Variants in MGMT observed in about 807,000 individuals in gnomAD.
MGMT encodes methylated-DNA--protein-cysteine methyltransferase.
In MGMT, 14 loss-of-function variants were observed where a neutral mutation model predicts 15.9. That is an observed-to-expected ratio of 0.88 (90% CI 0.58 to 1.37). The LOEUF (loss-of-function observed/expected upper bound fraction) is 1.37. MGMT is among the 40% of genes most tolerant of loss of function. The pLI, the probability that MGMT is intolerant of heterozygous loss-of-function variation, is 0.00. For synonymous variants in MGMT, 130 were observed against 118.2 expected (o/e 1.10, Z -0.65); for missense variants, 282 against 268.1 (o/e 1.05, Z -0.36).
At chr10:129,471,391 T>C (rs1251610116) in intron 1 of MGMT, among the ~76,000 whole-genome samples, 1 of 152,144 alleles carries the variant, frequency 6.6e-6, no homozygotes, top group African/African-American at 2.4e-5. Flanking sequence ...CAATAAATAA[T>C]CGCTAGTTAT....
intron 1 of MGMT, among the ~76,000 whole-genome samples, chr10:129,503,783 C>CT (rs1845598389): frequency 6.6e-6 from 1 of 152,208 alleles, no homozygotes; most frequent in South Asian, 2.1e-4. Flanking sequence ...GATCCAGGGG[C>CT]TGAAATGTTG....
intron 1 of MGMT, among the ~76,000 whole-genome samples, chr10:129,519,470 G>A (rs959526771): frequency 3.3e-5 from 5 of 152,200 alleles, no homozygotes; most frequent in Non-Finnish European, 5.9e-5. Context: ...ATTTGGAAGC[G>A]GGGCGCACTT....
At chr10:129,756,435 TGGTGAA>T in intron 3 of MGMT, among the ~76,000 whole-genome samples, 1 of 152,254 alleles carries the variant, frequency 6.6e-6, no homozygotes, top group East Asian at 1.9e-4. Context: ...GGGAGGCCCA[TGGTGAA>T]AGAGAGAAGG....
chr10:129,543,973 G>T (rs924692639), intron 2 of MGMT, among the ~76,000 whole-genome samples: 1 of 152,190 alleles, frequency 6.6e-6, no homozygotes, highest in Non-Finnish European at 1.5e-5. Flanking sequence ...ACAGGTAAAT[G>T]GGTTAACTTC....
At chr10:129,752,540 T>C (rs1360410330) in intron 3 of MGMT, among the ~76,000 whole-genome samples, 1 of 152,036 alleles carries the variant, frequency 6.6e-6, no homozygotes, top group African/African-American at 2.4e-5. Context: ...TTTTCCTTTT[T>C]CTTCCTTCTT....
intron 1 of MGMT, among the ~76,000 whole-genome samples, chr10:129,528,485 G>A (rs931232498): frequency 6.6e-6 from 1 of 151,894 alleles, no homozygotes; most frequent in East Asian, 1.9e-4. Flanking sequence ...GCTGTGAAGC[G>A]AGAGCGAGGC....
intron 1 of MGMT, among the ~76,000 whole-genome samples, chr10:129,508,827 A>G (rs1233938334): frequency 2.0e-5 from 3 of 152,134 alleles, no homozygotes; most frequent in African/African-American, 4.8e-5. Flanking sequence ...GATTACAGGC[A>G]TGAGCCACCA....
chr10:129,503,216 G>C (rs1276327224), intron 1 of MGMT, among the ~76,000 whole-genome samples: 1 of 151,980 alleles, frequency 6.6e-6, no homozygotes, highest in African/African-American at 2.4e-5. Context: ...AAGCACTTCT[G>C]ATATTGTGCA....
At position 129,760,223 on chromosome 10, in the gene MGMT, G is replaced by C. The variant is rs1848856337; in HGVS notation, c.414+882G>C. Among the ~76,000 whole-genome samples the C allele has an allele frequency of 2.0e-5, 3 of 152,242 alleles. No individual in the cohort carries two copies. The South Asian group carries it at 6.2e-4, about 32-fold the overall frequency. On this transcript the variant is annotated intron_variant, in intron 4 of 4. Transcript: ENST00000651593. ...GAGGTGGTAAGTCACAGCATGCCAT[G>C]TGCGCCCGGCCAAGGCCACACGTGC...
intron 1 of MGMT, among the ~76,000 whole-genome samples, chr10:129,528,037 C>T (rs534342539): frequency 1.3e-5 from 2 of 152,260 alleles, no homozygotes; most frequent in East Asian, 1.9e-4. Flanking sequence ...CATCCAACCC[C>T]TTGATACAGG....
chr10:129,607,904 A>C (rs1846911082), intron 2 of MGMT, among the ~76,000 whole-genome samples: 1 of 152,220 alleles, frequency 6.6e-6, no homozygotes, highest in African/African-American at 2.4e-5. Context: ...ACGTGGGGTT[A>C]GCCACCTGCC....
At chr10:129,484,093 G>A (rs1490219255) in intron 1 of MGMT, among the ~76,000 whole-genome samples, 2 of 152,132 alleles carry the variant, frequency 1.3e-5, no homozygotes, top group Non-Finnish European at 2.9e-5. Flanking sequence ...TCCAATTGTG[G>A]CATTGTGTTG....
At chr10:129,661,749 T>C (rs1467376917) in intron 2 of MGMT, among the ~76,000 whole-genome samples, 1 of 152,250 alleles carries the variant, frequency 6.6e-6, no homozygotes, top group Non-Finnish European at 1.5e-5. Flanking sequence ...TTTCCAGTTT[T>C]GAGTCCTGCT....
intron 2 of MGMT, among the ~76,000 whole-genome samples, chr10:129,646,754 A>T (rs374210795): frequency 0.11 from 9,188 of 86,628 alleles, 1,228 homozygotes; most frequent in Admixed American, 0.16. Context: ...ATATATATAT[A>T]TTTTCAGGGA....
rs561319854 is a variant in MGMT, at chr10:129,684,593, T to C, written c.126-23302T>C. ...TACACGTAAGTGATTGTGTATGTGG[T>C]AACTACACCAGCCAACAGCATTGAA... is the stretch of plus-strand genomic sequence containing the variant. On this transcript the variant is annotated intron_variant, in intron 2 of 4. Coordinates refer to ENST00000651593, the MANE Select transcript of MGMT (RefSeq NM_002412.5). Among the ~76,000 whole-genome samples the C allele has an allele frequency of 1.3e-4, 20 of 152,312 alleles. No homozygotes were observed. The East Asian group carries it at 3.9e-3, about 29-fold the overall frequency.
rs371790257 is a variant in MGMT at position 129,469,562 on chromosome 10, A to T, written c.-13+2266A>T. 3.3e-5 allele frequency among the ~76,000 whole-genome samples: 5 copies of T among 152,312 alleles called. No individual in the cohort carries two copies. In the South Asian group the frequency reaches 6.2e-4, roughly 19 times the overall value. ...TGGGACTCTAGTCCCTCCAGGGGAC[A>T]CATTGAGCCTCCCAGACCCTGCAGG... On this transcript the variant is annotated intron_variant, in intron 1 of 4. Transcript: ENST00000651593.
intron 2 of MGMT, among the ~76,000 whole-genome samples, chr10:129,697,932 C>T (rs1312122703): frequency 6.6e-6 from 1 of 152,216 alleles, no homozygotes; most frequent in Non-Finnish European, 1.5e-5. Flanking sequence ...GACACAGGTG[C>T]TTGCCTCAGG....
chr10:129,597,637 G>A lies in MGMT; in HGVS notation c.125+61260G>A, dbSNP rs184028818. 1.4e-3 allele frequency among the ~76,000 whole-genome samples: 210 copies of A among 152,260 alleles called. 2 individuals carry two copies. The highest frequency in any genetic ancestry group is 4.9e-3 in the African/African-American group (203 of 41,552). On this transcript the variant is annotated intron_variant, in intron 2 of 4. Coordinates refer to ENST00000651593, the MANE Select transcript of MGMT (RefSeq NM_002412.5). The stretch of plus-strand genomic sequence containing the variant: ...CTTTGCTCTTCCCCTCTGTGACTGG[G>A]GTTAGCAAACAACAGCCATGGGCTA...
chr10:129,580,514 G>C (rs1846539828), intron 2 of MGMT, among the ~76,000 whole-genome samples: 1 of 152,148 alleles, frequency 6.6e-6, no homozygotes, highest in Non-Finnish European at 1.5e-5. Flanking sequence ...TCTAGGTCTA[G>C]ACGTTCCTAG....
Sources: gnomAD v4.1 joint callset for allele counts (sites outside exome capture counted in the v4.1 genomes callset) on GRCh38, gnomAD v4.1.1 for gene constraint, MANE v1.5 for transcripts, NCBI Gene and HGNC (gene_info 2026-07-23, HGNC 2026-07-21) for gene names.